OGFOD3: variants seen among roughly 807,000 people sequenced by gnomAD.
OGFOD3 encodes 2-oxoglutarate and iron dependent oxygenase domain containing 3, also known as 2-oxoglutarate and iron-dependent oxygenase domain-containing protein 3.
Under a neutral mutation model 39.8 loss-of-function variants are expected in OGFOD3, and 35 were observed. The observed-to-expected ratio is 0.88, with a 90% CI of 0.67 to 1.17. The LOEUF (loss-of-function observed/expected upper bound fraction) is 1.17, where lower values mean the gene tolerates loss of function less well. Ranked by LOEUF, OGFOD3 falls within the 50% of genes most tolerant of loss-of-function variation. The pLI is 0.00. For synonymous variants in OGFOD3, 200 were observed against 192.0 expected (o/e 1.04, Z -0.34); for missense variants, 438 against 454.5 (o/e 0.96, Z 0.33).
Position 82,406,748 on chromosome 17 carries a change from C to T in OGFOD3, c.424-266G>A, listed in dbSNP as rs185838834. ...ACCCTCTGCCTCCCAAGTAAAGGCG[C>T]TCGCCACCACACCTGGCTAATTTTT... On this transcript the variant is annotated intron_variant, in intron 4 of 8. Coordinates refer to ENST00000313056, the MANE Select transcript of OGFOD3 (RefSeq NM_024648.3). The surrounding 1 kb of genome is among the most constrained non-coding windows in gnomAD (Gnocchi z 5.2). Among the ~76,000 whole-genome samples the T allele has an allele frequency of 3.1e-3, 478 of 152,270 alleles. 10 individuals are homozygous for T. The highest frequency in any genetic ancestry group is 4.0e-3 in the Non-Finnish European group (275 of 68,018).
intron 8 of OGFOD3, chr17:82,394,606 A>G: frequency 7.6e-7 from 1 of 1,308,658 alleles, no homozygotes; most frequent in Non-Finnish European, 1.1e-6. Context: ...GGCGGTGCAC[A>G]CCCTACACCC....
In OGFOD3 at chr17:82,398,185, G is replaced by C; in HGVS notation, c.823+11C>G. The C allele has an allele frequency of 1.2e-6, 2 of 1,613,888 alleles. No individual in the cohort carries two copies. The highest frequency in any genetic ancestry group is 1.3e-5 in the African/African-American group (1 of 75,004). On this transcript the variant is annotated intron_variant, in intron 8 of 8. Transcript: ENST00000313056. ...GGAGCCCCACGCCCAGGCCCCGCCC[G>C]CGCCTCCTACCAGCTCTCGGCTCCA...
Position 82,415,660 on chromosome 17 carries a change from C to A in OGFOD3, c.75-33G>T, listed in dbSNP as rs1353681660. ...CAGAAAACAGGCCACGTCACCCAAA[C>A]ACGGAGTGAGGCCAGAGAAAACGCT... On this transcript the variant is annotated intron_variant, in intron 1 of 8. Coordinates refer to ENST00000313056, the MANE Select transcript of OGFOD3 (RefSeq NM_024648.3). The surrounding 1 kb of genome is among the most constrained non-coding windows in gnomAD (Gnocchi z 5.3). The A allele has an allele frequency of 8.3e-6, 13 of 1,565,966 alleles. No individual in the cohort carries two copies. Among genetic ancestry groups the A allele is most frequent in the Admixed American group, 3.7e-5 (2 of 54,586 alleles).
chr17:82,399,325 C>T (rs1310759216), intron 7 of OGFOD3, among the ~76,000 whole-genome samples: 1 of 152,230 alleles, frequency 6.6e-6, no homozygotes, highest in Non-Finnish European at 1.5e-5. Context: ...GGCCAGCCAG[C>T]AGGGTGTGCA....
At chr17:82,411,716 C>T (rs2052946406) in intron 2 of OGFOD3, 186 bp from the exon 3 acceptor site, 1 of 553,480 alleles carries the variant, frequency 1.8e-6, no homozygotes, top group African/African-American at 1.9e-5. Flanking sequence ...CACTGGGCCA[C>T]CTTGGCTTCC....
At chr17:82,397,525 G>A (rs2052695193) in intron 8 of OGFOD3, among the ~76,000 whole-genome samples, 4 of 152,052 alleles carry the variant, frequency 2.6e-5, no homozygotes, top group South Asian at 2.1e-4. Context: ...GGTCAGGGCC[G>A]TGGGCTCCAC....
chr17:82,408,991 T>C (rs2052899815), intron 4 of OGFOD3, among the ~76,000 whole-genome samples: 1 of 152,206 alleles, frequency 6.6e-6, no homozygotes, highest in African/African-American at 2.4e-5. Context: ...CCCTGCTGTT[T>C]CCCGGCAGCT....
intron 8 of OGFOD3, among the ~76,000 whole-genome samples, chr17:82,397,820 C>A (rs1295918140): frequency 6.6e-6 from 1 of 152,032 alleles, no homozygotes; most frequent in East Asian, 1.9e-4. Context: ...GCTGGGGCCT[C>A]GTCTAATCTT....
chr17:82,401,075 G>A (rs571030535), intron 7 of OGFOD3: 1 of 152,336 alleles, frequency 6.6e-6, no homozygotes, highest in Admixed American at 6.5e-5. Context: ...AGCCCGAGAG[G>A]GAGAGAGGAG....
Position 82,415,370 on chromosome 17 carries a change from A to G in OGFOD3, c.304+28T>C. The G allele has an allele frequency of 3.1e-6, 5 of 1,599,232 alleles. No individual in the cohort carries two copies. The highest frequency in any genetic ancestry group is 3.4e-6 in the Non-Finnish European group (4 of 1,168,050). ...ATGTCCTTTAACCACACTGAGTCTC[A>G]TTTTAAAGTGTTGCTTTCCTGAACT... On this transcript the variant is annotated intron_variant, in intron 2 of 8. Coordinates refer to ENST00000313056, the MANE Select transcript of OGFOD3 (RefSeq NM_024648.3). This position sits in a 1 kb window ranked among gnomAD's most constrained non-coding sequence, Gnocchi z 5.3.
chr17:82,402,770 A>G (rs1379463769), intron 7 of OGFOD3, among the ~76,000 whole-genome samples: 1 of 151,360 alleles, frequency 6.6e-6, no homozygotes, highest in African/African-American at 2.4e-5. Flanking sequence ...GAAAGAAAAG[A>G]AATGGGATGG....
At chr17:82,393,702 C>T (rs2052627311) in intron 8 of OGFOD3, 1 of 152,236 alleles carries the variant, frequency 6.6e-6, no homozygotes, top group Non-Finnish European at 1.5e-5. Context: ...GCAGGAGGGC[C>T]CAGCGGCTCG....
At position 82,404,141 on chromosome 17, in the gene OGFOD3, T is replaced by C. The variant is rs779595564; in HGVS notation, c.546-51A>G. The stretch of plus-strand genomic sequence containing the variant: ...CGCAGCCCCAGGCGGGAGGGGACGC[T>C]CGTGGGTCCCAACCCGTGGGTGGCA... On this transcript the variant is annotated intron_variant, in intron 6 of 8. Coordinates refer to ENST00000313056, the MANE Select transcript of OGFOD3 (RefSeq NM_024648.3). This position sits in a 1 kb window ranked among gnomAD's most constrained non-coding sequence, Gnocchi z 4.5. 6.6e-7 allele frequency: 1 copy of C among 1,509,100 alleles called. No individual in the cohort carries two copies. Among genetic ancestry groups the C allele is most frequent in the Non-Finnish European group, 8.9e-7 (1 of 1,124,814 alleles). 93.5% of individuals were successfully genotyped at this position (1,509,100 alleles called of 1,614,324 possible).
rs527949734 is a variant in OGFOD3, at chr17:82,418,418, C to T, written c.68G>A (p.Arg23Gln). The change falls in exon 1 of 9, where the codon CGG becomes CAG. Residue 23 changes from arginine (R) to glutamine (Q), a missense_variant. Arg to Gln is a conservative substitution (Grantham distance 43). Transcript: ENST00000313056. ...EGNGAAERRNRSSTKKDRAPR... is the reference protein window; with the variant it reads ...EGNGAAERRNQSSTKKDRAPR... ...TTCCCCTCCTCACCGCTACCTGCTC[C>T]GGTTCCGGCGCTCGGCCGCTCCGTT... The T allele has an allele frequency of 4.2e-5, 62 of 1,478,870 alleles. No individual in the cohort carries two copies. In the African/African-American group the frequency reaches 6.2e-4, roughly 15 times the overall value. 91.6% of individuals were successfully genotyped at this position (1,478,870 alleles called of 1,614,324 possible). A position where few individuals can be genotyped will look rare whatever the true frequency, so the allele number is the denominator to read the frequency against.
chr17:82,411,377 C>T, intron 3 of OGFOD3, 78 bp downstream of exon 3: 2 of 1,326,810 alleles, frequency 1.5e-6, no homozygotes, highest in Non-Finnish European at 2.2e-6. Flanking sequence ...TTATTACTAA[C>T]AATGCTCTGC....
rs1361135826 is a variant in OGFOD3, at chr17:82,406,722, CA to C, written c.424-241del. Among the ~76,000 whole-genome samples the C allele has an allele frequency of 6.6e-6, 1 of 152,186 alleles. No individual in the cohort carries two copies. Among genetic ancestry groups the C allele is most frequent in the Non-Finnish European group, 1.5e-5 (1 of 68,030 alleles). On this transcript the variant is annotated intron_variant, in intron 4 of 8. Coordinates refer to ENST00000313056, the MANE Select transcript of OGFOD3 (RefSeq NM_024648.3). The surrounding 1 kb of genome is among the most constrained non-coding windows in gnomAD (Gnocchi z 5.2). ...CAGGCTCCAGGCCAAACAATCCTCCCACCCTCTGCCTCCCAAGTAAAGGCGC... is the reference window on the plus strand; with the variant it reads ...CAGGCTCCAGGCCAAACAATCCTCCCCCCTCTGCCTCCCAAGTAAAGGCGC...
At chr17:82,412,203 T>C (rs1357220777) in intron 2 of OGFOD3, among the ~76,000 whole-genome samples, 1 of 152,112 alleles carries the variant, frequency 6.6e-6, no homozygotes, top group Non-Finnish European at 1.5e-5. Flanking sequence ...CATGCCCCTG[T>C]CTCTCCCCGT....
chr17:82,412,106 G>A (rs201979286), intron 2 of OGFOD3, among the ~76,000 whole-genome samples: 2 of 64,164 alleles, frequency 3.1e-5, no homozygotes, highest in Admixed American at 5.5e-4. Context: ...TGAGACCACT[G>A]GAGCAGAAAA....
At chr17:82,403,801 A>T in intron 7 of OGFOD3, 136 bp downstream of exon 7, 7 of 1,010,718 alleles carry the variant, frequency 6.9e-6, no homozygotes, top group Non-Finnish European at 1.0e-5. Flanking sequence ...CTGCCCACGT[A>T]CGCACTCACC....
Sources: gnomAD v4.1 joint callset for allele counts (sites outside exome capture counted in the v4.1 genomes callset) on GRCh38, gnomAD v4.1.1 for gene constraint, Gnocchi (gnomAD v3.1) non-coding constraint, MANE v1.5 for transcripts, NCBI Gene and HGNC (gene_info 2026-07-23, HGNC 2026-07-21) for gene names.